Variants in CC2D2A observed in about 807,000 individuals in gnomAD.
The protein encoded by CC2D2A is coiled-coil and C2 domain-containing protein 2A.
A neutral mutation model predicts 212.9 loss-of-function variants in CC2D2A; 155 were observed. The ratio of observed to expected loss-of-function variants is 0.73; its 90% CI spans 0.64 to 0.83. The LOEUF (loss-of-function observed/expected upper bound fraction) is 0.83. Among genes scored for constraint, CC2D2A ranks in the 40% least tolerant of loss-of-function variants. CC2D2A has a pLI of 0.00. For missense variants in CC2D2A, 1,856 were observed against 1,956.2 expected (o/e 0.95, Z 0.97); for synonymous variants, 667 against 686.5 (o/e 0.97, Z 0.44).
intron 17 of CC2D2A, among the ~76,000 whole-genome samples, chr4:15,541,514 A>C (rs1025294513): frequency 6.6e-6 from 1 of 152,110 alleles, no homozygotes; most frequent in African/African-American, 2.4e-5. Context: ...TCACCTACTG[A>C]AAATGCTGGC....
intron 33 of CC2D2A, among the ~76,000 whole-genome samples, chr4:15,594,628 T>G (rs1205047268): frequency 6.6e-6 from 1 of 152,160 alleles, no homozygotes. Flanking sequence ...TCTGTCCCAG[T>G]CTACTGGCCA....
intron 4 of CC2D2A, among the ~76,000 whole-genome samples, chr4:15,495,393 G>T (rs1380661659): frequency 1.3e-5 from 2 of 152,170 alleles, no homozygotes; most frequent in African/African-American, 4.8e-5. Context: ...ACAGGCATGA[G>T]CCACCACGCC....
rs1194442056 is a variant in CC2D2A, at chr4:15,567,433, CCCCAAGCACGTACAGCCCAA to C, written c.3244_3263del (p.Ser1082GlnfsTer3). ...ATGTTCAGTGAAAAGCATGCTGCTTCCCCAAGCACGTACAGCCCAACCCACAATGCTGACTACCCCCTCGG... is the reference window on the plus strand; with the variant it reads ...ATGTTCAGTGAAAAGCATGCTGCTTCCCCACAATGCTGACTACCCCCTCGG... On this transcript the variant is annotated frameshift_variant, in exon 25 of 37. Transcript: ENST00000424120. LOFTEE classifies it high-confidence loss of function. 6.2e-7 allele frequency: 1 copy of C among 1,613,438 alleles called. No homozygotes were observed. Among genetic ancestry groups the C allele is most frequent in the East Asian group, 2.2e-5 (1 of 44,856 alleles).
chr4:15,482,326 C>T (rs1481242495), intron 4 of CC2D2A: 3 of 975,676 alleles, frequency 3.1e-6, no homozygotes, highest in African/African-American at 1.8e-5. Context: ...AAGATTACAA[C>T]TTGTCATTTC....
At position 15,519,668 on chromosome 4, in the gene CC2D2A, C is replaced by CA. The variant is rs777851549; in HGVS notation, c.1149+2914dup. ...AATCATGGTGGAAGACAAGGAGGAGCAAGTCACATCTAACATGGATGGCAG... is the reference window on the plus strand; with the variant it reads ...AATCATGGTGGAAGACAAGGAGGAGCAAAGTCACATCTAACATGGATGGCAG... On this transcript the variant is annotated intron_variant, in intron 11 of 36. Coordinates refer to ENST00000424120, the MANE Select transcript of CC2D2A (RefSeq NM_001378615.1). 1.1e-4 allele frequency: 46 copies of CA among 429,448 alleles called. 1 individual carries two copies. The highest frequency in any genetic ancestry group is 4.4e-4 in the South Asian group (25 of 56,952). 26.6% of individuals were successfully genotyped at this position (429,448 alleles called of 1,614,324 possible). A position where few individuals can be genotyped will look rare whatever the true frequency, so the allele number is the denominator to read the frequency against.
At chr4:15,566,737 C>G (rs1225502805) in intron 24 of CC2D2A, among the ~76,000 whole-genome samples, 1 of 151,974 alleles carries the variant, frequency 6.6e-6, no homozygotes, top group African/African-American at 2.4e-5. Context: ...TTTGGGAACC[C>G]AAGACAGGAG....
At chr4:15,600,917 A>AAG (rs370550663) in intron 36 of CC2D2A, among the ~76,000 whole-genome samples, 17,216 of 149,852 alleles carry the variant, frequency 0.11, 1,155 homozygotes, top group Non-Finnish European at 0.15. Flanking sequence ...AAAAAAAAAA[A>AAG]AAAAGAAAAA....
At chr4:15,481,875 T>C (rs1025631630) in intron 4 of CC2D2A, 1 of 985,288 alleles carries the variant, frequency 1.0e-6, no homozygotes, top group African/African-American at 1.7e-5. Context: ...TTGAATCAGA[T>C]GTTTGGAAGA....
intron 17 of CC2D2A, among the ~76,000 whole-genome samples, chr4:15,545,514 T>C (rs142363293): frequency 2.6e-5 from 4 of 152,200 alleles, no homozygotes; most frequent in East Asian, 1.9e-4. Flanking sequence ...CACTGGTGCA[T>C]AGATGTTAAC....
chr4:15,512,759 C>T (rs531035462), intron 8 of CC2D2A, among the ~76,000 whole-genome samples: 13 of 152,242 alleles, frequency 8.5e-5, no homozygotes, highest in East Asian at 7.7e-4. Context: ...CACGACCAGG[C>T]TTGGCCAACG....
intron 28 of CC2D2A, among the ~76,000 whole-genome samples, chr4:15,570,713 G>T (rs1055438896): frequency 6.6e-6 from 1 of 151,968 alleles, no homozygotes; most frequent in African/African-American, 2.4e-5. Context: ...AAAATTAGCC[G>T]GGCGTGGTGG....
At chr4:15,479,370 G>T in intron 3 of CC2D2A, 1 of 1,433,504 alleles carries the variant, frequency 7.0e-7, no homozygotes, top group South Asian at 1.2e-5. Flanking sequence ...AAGGGAGGCA[G>T]GGAAGCAGCT....
chr4:15,507,800 A>C (rs1181521177), intron 6 of CC2D2A, among the ~76,000 whole-genome samples: 2 of 152,230 alleles, frequency 1.3e-5, no homozygotes, highest in African/African-American at 2.4e-5. Context: ...TTGGGCCCGC[A>C]GAGCAGACAA....
chr4:15,484,186 G>T (rs931308137), intron 4 of CC2D2A, among the ~76,000 whole-genome samples: 2 of 152,174 alleles, frequency 1.3e-5, no homozygotes, highest in African/African-American at 4.8e-5. Context: ...GGGAGTGAGA[G>T]GATGAGGTGC....
intron 16 of CC2D2A, among the ~76,000 whole-genome samples, chr4:15,538,915 C>G (rs1125379): frequency 0.32 from 47,914 of 151,876 alleles, 8,604 homozygotes; most frequent in Non-Finnish European, 0.42. Flanking sequence ...AACATAAACT[C>G]AGGCCAGGCA....
chr4:15,510,273 T>C (rs768170238), intron 7 of CC2D2A, 33 bp downstream of exon 7: 2 of 1,577,446 alleles, frequency 1.3e-6, no homozygotes, highest in African/African-American at 2.7e-5. Context: ...ATCATTTGTT[T>C]GTTTGTGTTT....
At chr4:15,568,241 T>C (rs1471425627) in intron 26 of CC2D2A, among the ~76,000 whole-genome samples, 3 of 152,270 alleles carry the variant, frequency 2.0e-5, no homozygotes, top group African/African-American at 7.2e-5. Context: ...ATTATTTCAG[T>C]ACTTGAAGCA....
intron 11 of CC2D2A, among the ~76,000 whole-genome samples, chr4:15,522,071 C>T (rs553249984): frequency 6.6e-6 from 1 of 152,164 alleles, no homozygotes; most frequent in African/African-American, 2.4e-5. Flanking sequence ...CATGGTGGCA[C>T]ATGCCTGTGG....
intron 6 of CC2D2A, among the ~76,000 whole-genome samples, chr4:15,508,321 C>G (rs948790435): frequency 6.6e-6 from 1 of 152,164 alleles, no homozygotes. Flanking sequence ...GGTGTCACTT[C>G]TCAGAGTCAA....
Sources: allele counts gnomAD v4.1 joint callset (sites outside exome capture counted in the v4.1 genomes callset), GRCh38; gene constraint gnomAD v4.1.1; transcripts MANE v1.5; gene names NCBI Gene and HGNC (gene_info 2026-07-23, HGNC 2026-07-21).